Variants in NWD2 observed in about 807,000 individuals in gnomAD.
NWD2 encodes NACHT and WD repeat domain containing 2, also known as NACHT and WD repeat domain-containing protein 2.
A neutral mutation model predicts 132.7 loss-of-function variants in NWD2; 37 were observed. The ratio of observed to expected loss-of-function variants is 0.28; its 90% CI spans 0.21 to 0.37. NWD2 has a LOEUF of 0.37. Ranked by LOEUF, NWD2 falls within the 10% of genes least tolerant of loss-of-function variation. The probability of loss-of-function intolerance (pLI) is 1.00; values close to 1 mark genes in which losing one functional copy is unlikely to be tolerated. For missense variants in NWD2, 1,592 were observed against 2,122.4 expected (o/e 0.75, Z 4.91); for synonymous variants, 705 against 803.0 (o/e 0.88, Z 2.06).
intron 1 of NWD2, among the ~76,000 whole-genome samples, chr4:37,306,744 C>A (rs904947804): frequency 6.6e-6 from 1 of 151,968 alleles, no homozygotes; most frequent in African/African-American, 2.4e-5. Flanking sequence ...TGTTCTGGGC[C>A]GGGTGTGGTG....
At chr4:37,274,734 T>C (rs1205234855) in intron 1 of NWD2, among the ~76,000 whole-genome samples, 1 of 151,900 alleles carries the variant, frequency 6.6e-6, no homozygotes, top group Admixed American at 6.6e-5. Context: ...TTATCCACCA[T>C]GATCAAGTGG....
chr4:37,426,304 C>T (rs1281360189), intron 3 of NWD2, among the ~76,000 whole-genome samples: 2 of 152,072 alleles, frequency 1.3e-5, no homozygotes, highest in Non-Finnish European at 2.9e-5. Flanking sequence ...AAGGAAGAAT[C>T]AATAGAGAGA....
At chr4:37,335,732 C>T (rs1319352559) in intron 2 of NWD2, among the ~76,000 whole-genome samples, 1 of 151,362 alleles carries the variant, frequency 6.6e-6, no homozygotes, top group African/African-American at 2.4e-5. Flanking sequence ...GAATCAAATG[C>T]CTGATGATCT....
In NWD2 at chr4:37,444,097, A is replaced by G; in HGVS notation, c.2109A>G (p.Val703=). 7 of 1,551,744 alleles carry G rather than the reference A, an allele frequency of 4.5e-6. No individual in the cohort carries two copies. Among genetic ancestry groups the G allele is most frequent in the Non-Finnish European group, 6.1e-6 (7 of 1,147,000 alleles). The part of the protein sequence containing the change: ...ENTRPSNPLR[V]PYLYIARLKE... ...CCAGACCCAGCAATCCCCTGAGAGT[A>G]CCTTACTTGTACATTGCAAGGCTCA... is the stretch of plus-strand genomic sequence containing the variant. Residue 703 remains valine (V), a synonymous_variant, in exon 7 of 7, where the codon GTA becomes GTG. Transcript: ENST00000309447. The surrounding 1 kb of genome is among the most constrained non-coding windows in gnomAD (Gnocchi z 4.8).
At position 37,430,765 on chromosome 4, in the gene NWD2, A is replaced by G. The variant is rs767994729; in HGVS notation, c.551A>G (p.Asn184Ser). The change falls in exon 4 of 7, where the codon AAT becomes AGT. Residue 184 changes from asparagine (N) to serine (S), a missense_variant. Coordinates refer to ENST00000309447, the MANE Select transcript of NWD2 (RefSeq NM_001144990.2). ...CCCAAGTCAGAAATGCTGAGAAGCA[A>G]TAGAAATGCAGTAAGCTGCCTTTCC... ...LRPKSEMLRS[N>S]RNAMQPSTNA... 132 of 1,551,354 alleles carry G rather than the reference A, an allele frequency of 8.5e-5. No individual in the cohort carries two copies. Among genetic ancestry groups the G allele is most frequent in the Non-Finnish European group, 1.0e-4 (115 of 1,146,762 alleles).
chr4:37,309,461 T>C (rs867806333), intron 1 of NWD2, among the ~76,000 whole-genome samples: 1 of 152,084 alleles, frequency 6.6e-6, no homozygotes, highest in African/African-American at 2.4e-5. Flanking sequence ...TGTAGCCTTC[T>C]GGATTGGATA....
chr4:37,393,196 T>TGA (rs1553897268), intron 3 of NWD2, among the ~76,000 whole-genome samples: 1 of 151,638 alleles, frequency 6.6e-6, no homozygotes, highest in African/African-American at 2.4e-5. Flanking sequence ...ATCCGGGGGT[T>TGA]GGGGGGAGAC....
intron 1 of NWD2, among the ~76,000 whole-genome samples, chr4:37,278,157 T>C (rs1718062026): frequency 6.6e-6 from 1 of 152,152 alleles, no homozygotes; most frequent in Non-Finnish European, 1.5e-5. Context: ...GTTTTAAATC[T>C]TGCTCTAACT....
At chr4:37,252,517 A>G (rs1168473811) in intron 1 of NWD2, among the ~76,000 whole-genome samples, 1 of 152,226 alleles carries the variant, frequency 6.6e-6, no homozygotes, top group African/African-American at 2.4e-5. Flanking sequence ...GTGGCTTAAA[A>G]CAACAATGAT....
chr4:37,324,141 C>T (rs558993048), intron 1 of NWD2, among the ~76,000 whole-genome samples: 1 of 152,120 alleles, frequency 6.6e-6, no homozygotes, highest in African/African-American at 2.4e-5. Context: ...ACATGTACCC[C>T]CTGTGTCTAA....
intron 3 of NWD2, among the ~76,000 whole-genome samples, chr4:37,377,814 A>G (rs1262551519): frequency 1.3e-5 from 2 of 152,224 alleles, no homozygotes; most frequent in African/African-American, 4.8e-5. Context: ...AAGTTTGAAT[A>G]ACTTAAAAGT....
Position 37,253,004 on chromosome 4 carries a change from C to A in NWD2, c.151+7786C>A, listed in dbSNP as rs940099642. Among the ~76,000 whole-genome samples the A allele has an allele frequency of 5.7e-4, 82 of 142,654 alleles. No homozygotes were observed. The Middle Eastern group carries it at 0.011, about 19-fold the overall frequency. The allele number at this position is 142,654 out of a possible 152,430, so 93.6% of individuals were successfully genotyped here. On this transcript the variant is annotated intron_variant, in intron 1 of 6. Coordinates refer to ENST00000309447, the MANE Select transcript of NWD2 (RefSeq NM_001144990.2). ...GCTGACTTTAAAAATTACCACAACC[C>A]CCCCCCCTTATGTTTTGCAGTTTCT...
chr4:37,343,383 T>C (rs1175033084), intron 2 of NWD2, among the ~76,000 whole-genome samples: 1 of 152,230 alleles, frequency 6.6e-6, no homozygotes, highest in African/African-American at 2.4e-5. Flanking sequence ...TGTTAATCCT[T>C]TTATTAATAA....
intron 3 of NWD2, among the ~76,000 whole-genome samples, chr4:37,370,734 A>T (rs1005409181): frequency 9.2e-5 from 14 of 152,220 alleles, no homozygotes; most frequent in African/African-American, 3.1e-4. Context: ...AATCTAGATT[A>T]GTTGTCATAT....
At chr4:37,442,300 A>G (rs950541410) in intron 6 of NWD2, among the ~76,000 whole-genome samples, 17 of 152,356 alleles carry the variant, frequency 1.1e-4, no homozygotes, top group South Asian at 2.1e-4. Flanking sequence ...AAAAATACTC[A>G]TTGGAGTATT....
intron 3 of NWD2, among the ~76,000 whole-genome samples, chr4:37,382,989 C>T (rs1022026039): frequency 2.0e-5 from 3 of 152,050 alleles, no homozygotes; most frequent in African/African-American, 7.2e-5. Flanking sequence ...CCACCGCACC[C>T]GGCCGCCTGA....
intron 3 of NWD2, among the ~76,000 whole-genome samples, chr4:37,389,971 G>T (rs1358365219): frequency 6.6e-6 from 1 of 151,998 alleles, no homozygotes; most frequent in Non-Finnish European, 1.5e-5. Context: ...GTAGAGATGG[G>T]GTTTCACCAT....
intron 3 of NWD2, among the ~76,000 whole-genome samples, chr4:37,422,456 T>G (rs1711845302): frequency 6.6e-6 from 1 of 152,200 alleles, no homozygotes; most frequent in African/African-American, 2.4e-5. Context: ...TCATACCACC[T>G]GTAAGCAACT....
intron 3 of NWD2, among the ~76,000 whole-genome samples, chr4:37,426,409 G>T (rs1038708124): frequency 6.6e-6 from 1 of 152,112 alleles, no homozygotes; most frequent in Non-Finnish European, 1.5e-5. Context: ...TTTATATATA[G>T]TAGGCACTCA....
Sources: allele counts gnomAD v4.1 joint callset (sites outside exome capture counted in the v4.1 genomes callset), GRCh38; gene constraint gnomAD v4.1.1; non-coding constraint Gnocchi (gnomAD v3.1); transcripts MANE v1.5; gene names NCBI Gene and HGNC (gene_info 2026-07-23, HGNC 2026-07-21).